Variants in LRRC37A2 observed in about 807,000 individuals in gnomAD.
LRRC37A2 encodes the protein leucine-rich repeat-containing protein 37A2.
LRRC37A2 carries 9 observed loss-of-function variants against 68.8 expected under a neutral mutation model. The observed-to-expected ratio is 0.13, with a 90% CI of 0.08 to 0.23. LRRC37A2 has a LOEUF of 0.23. Among genes scored for constraint, LRRC37A2 ranks in the 10% least tolerant of loss-of-function variants. The pLI is 1.00. For synonymous variants in LRRC37A2, 63 were observed against 367.6 expected, an observed-to-expected ratio of 0.17 and a Z score of 9.48; for missense variants, 168 against 950.4, an observed-to-expected ratio of 0.18 and a Z score of 10.82.
the LRRC37A2 span, chr17:46,773,927 G>A: frequency 4.3e-6 from 7 of 1,609,234 alleles, no homozygotes; most frequent in Non-Finnish European, 5.1e-6. Context: ...CAGACAGAGG[G>A]TAGTAACACT....
chr17:46,782,202 T>C, the LRRC37A2 span, among the ~76,000 whole-genome samples: 1 of 152,188 alleles, frequency 6.6e-6, no homozygotes, highest in Non-Finnish European at 1.5e-5. Flanking sequence ...AATCTAACCA[T>C]CTGTGCCAGC....
At chr17:46,897,709 C>T in the LRRC37A2 span, among the ~76,000 whole-genome samples, 4 of 151,920 alleles carry the variant, frequency 2.6e-5, no homozygotes, top group South Asian at 2.1e-4. Context: ...AGGCTGGTCT[C>T]GAATTCCAGG....
At chr17:46,730,474 A>G in the LRRC37A2 span, among the ~76,000 whole-genome samples, 1 of 152,178 alleles carries the variant, frequency 6.6e-6, no homozygotes, top group Non-Finnish European at 1.5e-5. Flanking sequence ...GATCCAAAGT[A>G]GATACTAACA....
At chr17:47,048,160 G>C in the LRRC37A2 span, among the ~76,000 whole-genome samples, 1 of 148,072 alleles carries the variant, frequency 6.8e-6, no homozygotes, top group Non-Finnish European at 1.5e-5. Flanking sequence ...GAGGTGCTAA[G>C]TGCTGTAGCC....
chr17:46,940,353 C>G, the LRRC37A2 span: 17 of 1,483,442 alleles, frequency 1.1e-5, no homozygotes, highest in Non-Finnish European at 1.5e-5. Context: ...GGTTGGGGCC[C>G]TGCCAGAGTT....
At chr17:46,990,031 A>G in the LRRC37A2 span, among the ~76,000 whole-genome samples, 2,340 of 152,366 alleles carry the variant, frequency 0.015, 45 homozygotes, top group African/African-American at 0.054. Flanking sequence ...TAATTAAAAG[A>G]TAAGCCAAAG....
chr17:46,817,137 G>C, the LRRC37A2 span, among the ~76,000 whole-genome samples: 10 of 152,178 alleles, frequency 6.6e-5, no homozygotes, highest in Non-Finnish European at 1.2e-4. Flanking sequence ...TCTCCCAGGA[G>C]CCCCAAACAC....
the LRRC37A2 span, among the ~76,000 whole-genome samples, chr17:46,810,131 C>T: frequency 4.6e-5 from 7 of 151,628 alleles, no homozygotes; most frequent in Admixed American, 1.3e-4. Context: ...CTCAGCCTTC[C>T]GAGTAGCTGG....
At chr17:46,785,639 A>C in the LRRC37A2 span, among the ~76,000 whole-genome samples, 1 of 152,158 alleles carries the variant, frequency 6.6e-6, no homozygotes, top group Non-Finnish European at 1.5e-5. Context: ...CCTTCCGAGG[A>C]GGTGGCACAG....
At chr17:46,971,120 T>A in the LRRC37A2 span, among the ~76,000 whole-genome samples, 4 of 152,084 alleles carry the variant, frequency 2.6e-5, no homozygotes, top group African/African-American at 9.7e-5. Context: ...AGTGGATCAT[T>A]TGAGGTCAGG....
At chr17:46,979,125 G>A in the LRRC37A2 span, 2 of 1,108,710 alleles carry the variant, frequency 1.8e-6, no homozygotes, top group Non-Finnish European at 2.3e-6. Flanking sequence ...GTACGGGGAG[G>A]GGACGAAGGC....
At chr17:46,837,245 C>T in the LRRC37A2 span, among the ~76,000 whole-genome samples, 3 of 152,140 alleles carry the variant, frequency 2.0e-5, no homozygotes, top group Admixed American at 1.3e-4. Context: ...CTGGCTGAAC[C>T]TTGCAAGTAT....
chr17:46,865,380 TG>T, the LRRC37A2 span, among the ~76,000 whole-genome samples: 1 of 152,034 alleles, frequency 6.6e-6, no homozygotes, highest in South Asian at 2.1e-4. Flanking sequence ...AGCCTACAGC[TG>T]GACCCGGCTC....
the LRRC37A2 span, among the ~76,000 whole-genome samples, chr17:46,943,464 TTCCTC>T: frequency 1.3e-5 from 2 of 152,196 alleles, 1 homozygote; most frequent in South Asian, 4.1e-4. Context: ...CACAAGATGT[TTCCTC>T]TCAGATGTGC....
At chr17:47,001,199 A>G in the LRRC37A2 span, among the ~76,000 whole-genome samples, 1 of 152,242 alleles carries the variant, frequency 6.6e-6, no homozygotes, top group Admixed American at 6.5e-5. Context: ...GCTCTAACTG[A>G]GTATTATGGG....
the LRRC37A2 span, among the ~76,000 whole-genome samples, chr17:46,928,709 T>C: frequency 1.3e-5 from 2 of 152,314 alleles, no homozygotes; most frequent in Non-Finnish European, 2.9e-5. Flanking sequence ...CTGAATGGTT[T>C]CCTCCAGTGA....
At chr17:46,602,797 A>G in the LRRC37A2 span, among the ~76,000 whole-genome samples, 4 of 144,936 alleles carry the variant, frequency 2.8e-5, no homozygotes, top group Admixed American at 2.8e-4. Context: ...TAATTTTGTG[A>G]ACCATAGCAG....
At chr17:46,803,951 C>G in the LRRC37A2 span, among the ~76,000 whole-genome samples, 1 of 152,190 alleles carries the variant, frequency 6.6e-6, no homozygotes, top group Admixed American at 6.5e-5. Flanking sequence ...CATGCCTTCT[C>G]CTTTCAGGTA....
At chr17:46,806,699 C>A in the LRRC37A2 span, among the ~76,000 whole-genome samples, 1 of 152,248 alleles carries the variant, frequency 6.6e-6, no homozygotes, top group Non-Finnish European at 1.5e-5. Context: ...TTCTCTCCTC[C>A]GAAGTCAGGG....
Sources: allele counts gnomAD v4.1 joint callset (sites outside exome capture counted in the v4.1 genomes callset), GRCh38; gene constraint gnomAD v4.1.1; transcripts MANE v1.5; gene names NCBI Gene and HGNC (gene_info 2026-07-23, HGNC 2026-07-21).